KCNQ2: variants seen among roughly 807,000 people sequenced by gnomAD.
KCNQ2 encodes the protein potassium voltage-gated channel subfamily KQT member 2.
A neutral mutation model predicts 84.8 loss-of-function variants in KCNQ2; 14 were observed. That is an observed-to-expected ratio of 0.17 (90% CI 0.11 to 0.26). The LOEUF (loss-of-function observed/expected upper bound fraction) is 0.26, where lower values mean the gene tolerates loss of function less well. Among genes scored for constraint, KCNQ2 ranks in the 10% least tolerant of loss-of-function variants. The pLI is 1.00. For synonymous variants in KCNQ2, 599 were observed against 554.1 expected (o/e 1.08, Z -1.14); for missense variants, 788 against 1,254.0 (o/e 0.63, Z 5.61).
intron 9 of KCNQ2, among the ~76,000 whole-genome samples, chr20:63,429,496 C>G (rs1399177706): frequency 6.6e-6 from 1 of 152,164 alleles, no homozygotes; most frequent in African/African-American, 2.4e-5. Context: ...GCCACGGCCA[C>G]CCCCTGGAGA....
At chr20:63,459,085 G>A (rs1019527001) in intron 1 of KCNQ2, 1 of 152,312 alleles carries the variant, frequency 6.6e-6, no homozygotes, top group African/African-American at 2.4e-5. Flanking sequence ...TGCGGCCACA[G>A]GAAGGACGAG....
intron 8 of KCNQ2, 67 bp downstream of exon 8, chr20:63,433,742 G>A (rs779271080): frequency 6.2e-7 from 1 of 1,612,110 alleles, no homozygotes; most frequent in Non-Finnish European, 8.5e-7. Context: ...CAAAAAGTGG[G>A]GTTTAAGAAC....
chr20:63,426,109 T>C (rs915205980), intron 10 of KCNQ2, among the ~76,000 whole-genome samples: 4 of 152,248 alleles, frequency 2.6e-5, no homozygotes, highest in Non-Finnish European at 5.9e-5. Context: ...GCCACCGGCC[T>C]GTTTCCTGCC....
chr20:63,412,483 C>T (rs6011820), intron 15 of KCNQ2, among the ~76,000 whole-genome samples: 47 of 152,320 alleles, frequency 3.1e-4, no homozygotes, highest in African/African-American at 1.1e-3. Flanking sequence ...TGGAGCCCAG[C>T]GGGGTGAAGG....
At chr20:63,432,377 C>G (rs1179899946) in intron 8 of KCNQ2, among the ~76,000 whole-genome samples, 2 of 147,182 alleles carry the variant, frequency 1.4e-5, no homozygotes, top group Admixed American at 6.7e-5. Flanking sequence ...GCTCCACCCT[C>G]TGGGAAGGCC....
chr20:63,451,585 G>A (rs1271571466), intron 1 of KCNQ2, among the ~76,000 whole-genome samples: 4 of 152,178 alleles, frequency 2.6e-5, no homozygotes, highest in Non-Finnish European at 2.9e-5. Context: ...AGCCCATCCT[G>A]TGTGCAAAGT....
At chr20:63,466,067 C>T (rs997230513) in intron 1 of KCNQ2, among the ~76,000 whole-genome samples, 1 of 152,148 alleles carries the variant, frequency 6.6e-6, no homozygotes, top group Admixed American at 6.5e-5. Context: ...TTTCTCAAGC[C>T]GAAGATCATT....
intron 8 of KCNQ2, chr20:63,433,336 G>C (rs942020827): frequency 8.5e-5 from 19 of 222,416 alleles, no homozygotes; most frequent in Non-Finnish European, 1.3e-4. Flanking sequence ...TTCCTGGTCT[G>C]AAAGTCTCAC....
chr20:63,457,636 A>G (rs2081837454), intron 1 of KCNQ2, among the ~76,000 whole-genome samples: 1 of 152,158 alleles, frequency 6.6e-6, no homozygotes, highest in Admixed American at 6.5e-5. Context: ...CGGGAACAGG[A>G]GTGGAGGAGC....
intron 5 of KCNQ2, among the ~76,000 whole-genome samples, chr20:63,440,686 C>T (rs892549294): frequency 2.0e-5 from 3 of 152,166 alleles, no homozygotes; most frequent in African/African-American, 4.8e-5. Flanking sequence ...CCCTGGGTTC[C>T]GAGGACGCTG....
At position 63,407,227 on chromosome 20, in the gene KCNQ2, T is replaced by C. The variant is rs758838148; in HGVS notation, c.2036A>G (p.His679Arg). 3.1e-6 allele frequency: 5 copies of C among 1,603,696 alleles called. No homozygotes were observed. The South Asian group carries it at 5.5e-5, about 18-fold the overall frequency. Residue 679 changes from histidine (H) to arginine (R), a missense_variant, in exon 17 of 17, where the codon CAT becomes CGT. Physicochemically the swap from His to Arg is conservative, Grantham distance 29 (BLOSUM62 0). Transcript: ENST00000359125. This position sits in a 1 kb window ranked among gnomAD's most constrained non-coding sequence, Gnocchi z 7.2. ...PYHSPEDSRE[H>R]VDRHGCIVKI... ...GACAATGCAGCCGTGCCTGTCGACA[T>C]GCTCCCGGCTGTCTTCCGGGCTGTG...
rs1393230983 is a variant in KCNQ2 at position 63,472,032 on chromosome 20, G to A, written c.296+136C>T. ...CCGGTCTCGGCCCAGCACTCCCGCC[G>A]GGGAGCGCCGGCCCCGGACCCAGAC... On this transcript the variant is annotated intron_variant, in intron 1 of 16. Coordinates refer to ENST00000359125, the MANE Select transcript of KCNQ2 (RefSeq NM_172107.4). 3.3e-5 allele frequency: 20 copies of A among 608,438 alleles called. No homozygotes were observed. In the East Asian group the frequency reaches 6.7e-4, roughly 20 times the overall value. The allele number at this position is 608,438 out of a possible 1,614,324, so 37.7% of individuals were successfully genotyped here. A position where few individuals can be genotyped will look rare whatever the true frequency, so the allele number is the denominator to read the frequency against.
At chr20:63,428,121 C>T (rs1261944680) in intron 10 of KCNQ2, among the ~76,000 whole-genome samples, 2 of 152,232 alleles carry the variant, frequency 1.3e-5, no homozygotes, top group Non-Finnish European at 2.9e-5. Context: ...CCCCCGGCCC[C>T]ATATCAACCT....
intron 12 of KCNQ2, among the ~76,000 whole-genome samples, chr20:63,416,481 G>C (rs1431797528): frequency 1.3e-5 from 2 of 152,188 alleles, no homozygotes; most frequent in African/African-American, 4.8e-5. Flanking sequence ...GAGGACAGTG[G>C]GGCTCTCACG....
Position 63,438,460 on chromosome 20 carries a change from C to A in KCNQ2, c.1023+165G>T. 1 of 689,942 alleles carries A rather than the reference C, an allele frequency of 1.4e-6. No individual in the cohort carries two copies. Among genetic ancestry groups the A allele is most frequent in the South Asian group, 1.6e-5 (1 of 62,814 alleles). 42.7% of individuals were successfully genotyped at this position (689,942 alleles called of 1,614,324 possible). A position where few individuals can be genotyped will look rare whatever the true frequency, so the allele number is the denominator to read the frequency against. ...CTCAGGGGTTGGAGCCATTTCTCAA[C>A]ACACACACTTCACATCCTCGCTCCT... On this transcript the variant is annotated intron_variant, in intron 7 of 16. Transcript: ENST00000359125. The surrounding 1 kb of genome is among the most constrained non-coding windows in gnomAD (Gnocchi z 5.1).
intron 1 of KCNQ2, among the ~76,000 whole-genome samples, chr20:63,452,975 G>A (rs2081658665): frequency 6.6e-6 from 1 of 152,224 alleles, no homozygotes; most frequent in South Asian, 2.1e-4. Context: ...GGAGGGTCCA[G>A]GGCCTAGTGA....
intron 1 of KCNQ2, among the ~76,000 whole-genome samples, chr20:63,457,180 G>A (rs1337461300): frequency 2.0e-5 from 3 of 152,242 alleles, no homozygotes; most frequent in East Asian, 1.9e-4. Context: ...CGGGGCTGGA[G>A]GGGACAAGGG....
In KCNQ2 at chr20:63,407,042, G is replaced by A. The variant is rs2079965070; in HGVS notation, c.2221C>T (p.Arg741Cys). ...TCGTGGGCAGGCGGCGGCGGGATGC[G>A]CACCAGGGAGCCGTGGTCCCCCACG... ...SPVGDHGSLV[R>C]IPPPPAHERS... The change falls in exon 17 of 17, where the codon CGC becomes TGC. Residue 741 changes from arginine to cysteine, a missense_variant. By Grantham distance (180) the Arg-to-Cys change is radical. Transcript: ENST00000359125. This position sits in a 1 kb window ranked among gnomAD's most constrained non-coding sequence, Gnocchi z 7.2. 3 of 1,517,920 alleles carry A rather than the reference G, an allele frequency of 2.0e-6. No individual in the cohort carries two copies. The highest frequency in any genetic ancestry group is 1.8e-6 in the Non-Finnish European group (2 of 1,135,782). The allele number at this position is 1,517,920 out of a possible 1,614,324, so 94.0% of individuals were successfully genotyped here. A position where few individuals can be genotyped will look rare whatever the true frequency, so the allele number is the denominator to read the frequency against.
At chr20:63,445,477 G>A (rs916863114) in intron 2 of KCNQ2, 113 bp from the exon 3 acceptor site, 3 of 1,264,666 alleles carry the variant, frequency 2.4e-6, no homozygotes, top group Admixed American at 2.4e-5. Context: ...AGGGCAGGAG[G>A]CCCCCAAAGG....
Sources: gnomAD v4.1 joint callset for allele counts (sites outside exome capture counted in the v4.1 genomes callset) on GRCh38, gnomAD v4.1.1 for gene constraint, Gnocchi (gnomAD v3.1) non-coding constraint, MANE v1.5 for transcripts, NCBI Gene and HGNC (gene_info 2026-07-23, HGNC 2026-07-21) for gene names.